SLC17A8: variants seen among roughly 807,000 people sequenced by gnomAD.
SLC17A8 encodes vesicular glutamate transporter 3.
SLC17A8 carries 31 observed loss-of-function variants against 58.0 expected under a neutral mutation model. The ratio of observed to expected loss-of-function variants is 0.53; its 90% confidence interval spans 0.40 to 0.72. The LOEUF (loss-of-function observed/expected upper bound fraction) is 0.72, where lower values mean the gene tolerates loss of function less well. Among genes scored for constraint, SLC17A8 ranks in the 30% least tolerant of loss-of-function variants. SLC17A8 has a pLI of 0.00. For missense variants in SLC17A8, 655 were observed against 727.8 expected (o/e 0.90, Z 1.15); for synonymous variants, 228 against 249.0 (o/e 0.92, Z 0.79).
chr12:100,399,218 T>C (rs1432035190), intron 5 of SLC17A8, among the ~76,000 whole-genome samples: 3 of 152,078 alleles, frequency 2.0e-5, no homozygotes, highest in African/African-American at 4.8e-5. Flanking sequence ...CATTCAACAA[T>C]CATCTGAGGC....
chr12:100,404,118 A>G lies in SLC17A8; in HGVS notation c.1134A>G (p.Arg378=). 6.2e-7 allele frequency: 1 copy of G among 1,614,194 alleles called. No individual in the cohort carries two copies. Among genetic ancestry groups the G allele is most frequent in the Non-Finnish European group, 8.5e-7 (1 of 1,180,036 alleles). The change falls in exon 9 of 12, where the codon AGA becomes AGG. Residue 378 remains arginine (R), a synonymous_variant. Transcript: ENST00000323346. ...GAGGACAATTGGCTGATTATTTAAG[A>G]AGCAGACAAATTTTAACCACAACTG... ...PIGGQLADYL[R]SRQILTTTAV...
intron 2 of SLC17A8, among the ~76,000 whole-genome samples, chr12:100,388,457 T>C (rs541055367): frequency 8.3e-4 from 126 of 152,268 alleles, no homozygotes; most frequent in African/African-American, 2.9e-3. Flanking sequence ...AAAATACAGA[T>C]TTGGTGAGCT....
rs1273330580 is a variant in SLC17A8, at chr12:100,421,541, T to C, written c.*1382T>C. ...TTTAACATTGGCATCTAAAGTGTTA[T>C]TTGAAAATAAAATTATTTTCCTGTT... On this transcript the variant is annotated 3_prime_UTR_variant, in exon 12 of 12. Transcript: ENST00000323346. The C allele has an allele frequency of 1.3e-5, 2 of 152,300 alleles. No homozygotes were observed. The highest frequency in any genetic ancestry group is 3.4e-3 in the Middle Eastern group (1 of 294). 9.4% of individuals were successfully genotyped at this position (152,300 alleles called of 1,614,324 possible). A position where few individuals can be genotyped will look rare whatever the true frequency, so the allele number is the denominator to read the frequency against.
chr12:100,373,871 G>A (rs1952575999), intron 1 of SLC17A8, among the ~76,000 whole-genome samples: 1 of 152,120 alleles, frequency 6.6e-6, no homozygotes, highest in African/African-American at 2.4e-5. Context: ...TTACAGGCAT[G>A]AGCCACTGTG....
intron 1 of SLC17A8, among the ~76,000 whole-genome samples, chr12:100,359,845 A>G (rs1239996082): frequency 6.6e-6 from 1 of 152,188 alleles, no homozygotes; most frequent in Non-Finnish European, 1.5e-5. Context: ...ACGTAAAACC[A>G]GTTGACAGAA....
intron 1 of SLC17A8, among the ~76,000 whole-genome samples, chr12:100,379,390 C>A (rs945721390): frequency 4.3e-5 from 6 of 139,050 alleles, no homozygotes; most frequent in Admixed American, 3.9e-4. Context: ...AGCCGAGAAT[C>A]GTGCCACTGC....
chr12:100,379,435 C>CAA (rs150305704), intron 1 of SLC17A8, among the ~76,000 whole-genome samples: 41 of 136,554 alleles, frequency 3.0e-4, no homozygotes, highest in South Asian at 6.8e-4. Context: ...ATTCCGTCCC[C>CAA]AAAAAAAAAA....
chr12:100,382,151 C>T (rs7294930), intron 2 of SLC17A8, among the ~76,000 whole-genome samples: 4,056 of 152,212 alleles, frequency 0.027, 56 homozygotes, highest in African/African-American at 0.036. Context: ...GTGGAGGCAG[C>T]GAAGTAAATA....
intron 1 of SLC17A8, among the ~76,000 whole-genome samples, chr12:100,371,499 C>G (rs1379989343): frequency 6.6e-6 from 1 of 152,190 alleles, no homozygotes; most frequent in East Asian, 1.9e-4. Flanking sequence ...GTTGTGTTCT[C>G]CCTTCACCAG....
rs780354237 is a variant in SLC17A8 at position 100,357,304 on chromosome 12, A to C, written c.-88A>C. ...CTGACTTCCAGGTGTTCACCAAGGGAAACAAGGTGGTTCTCACACTGGAAA... is the reference window on the plus strand; with the variant it reads ...CTGACTTCCAGGTGTTCACCAAGGGCAACAAGGTGGTTCTCACACTGGAAA... On this transcript the variant is annotated 5_prime_UTR_variant, in exon 1 of 12. Coordinates refer to ENST00000323346, the MANE Select transcript of SLC17A8 (RefSeq NM_139319.3). The C allele has an allele frequency of 1.3e-4, 110 of 824,308 alleles. No homozygotes were observed. The highest frequency in any genetic ancestry group is 1.9e-4 in the Non-Finnish European group (88 of 461,600). The allele number at this position is 824,308 out of a possible 1,614,324, so 51.1% of individuals were successfully genotyped here.
At position 100,401,872 on chromosome 12, in the gene SLC17A8, T is replaced by C; in HGVS notation, c.763+9T>C. The stretch of plus-strand genomic sequence containing the variant: ...TGTCTTTTATATTTATGGTGAGTGA[T>C]TTGACTTCACAAGTTCACATGTGAC... On this transcript the variant is annotated intron_variant, in intron 6 of 11. Transcript: ENST00000323346. The C allele has an allele frequency of 1.2e-6, 2 of 1,609,708 alleles. No homozygotes were observed. Among genetic ancestry groups the C allele is most frequent in the Non-Finnish European group, 1.7e-6 (2 of 1,176,072 alleles).
At chr12:100,368,879 G>C in intron 1 of SLC17A8, among the ~76,000 whole-genome samples, 1 of 152,166 alleles carries the variant, frequency 6.6e-6, no homozygotes, top group Non-Finnish European at 1.5e-5. Context: ...CATAGAAATA[G>C]GCTCCACTTC....
intron 5 of SLC17A8, among the ~76,000 whole-genome samples, chr12:100,399,949 G>A (rs1952780140): frequency 6.6e-6 from 1 of 152,166 alleles, no homozygotes; most frequent in South Asian, 2.1e-4. Context: ...ACTTCTACCT[G>A]TGTGACCTCA....
At chr12:100,396,943 C>T (rs1033935909) in intron 5 of SLC17A8, among the ~76,000 whole-genome samples, 81 of 152,140 alleles carry the variant, frequency 5.3e-4, no homozygotes, top group African/African-American at 1.9e-3. Context: ...CTGCTATCCT[C>T]AGACATAGCT....
chr12:100,361,143 A>C (rs543411369), intron 1 of SLC17A8, among the ~76,000 whole-genome samples: 1 of 152,252 alleles, frequency 6.6e-6, no homozygotes, highest in East Asian at 1.9e-4. Flanking sequence ...ACTTGGCTGC[A>C]ATGGGGTGAC....
In SLC17A8 at chr12:100,412,854, T is replaced by G. The variant is rs563838192; in HGVS notation, c.1271T>G (p.Val424Gly). Residue 424 changes from valine (V) to glycine (G), a missense_variant, in exon 10 of 12, where the codon GTA becomes GGA. Transcript: ENST00000323346. Reference protein sequence around the residue: ...GVAISFLVLAVGFSGFAISGF... With the variant: ...GVAISFLVLAGGFSGFAISGF... ...GCTATCTCCTTTCTGGTACTTGCTG[T>G]AGGATTTAGTGGCTTCGCTATTTCA... 1 of 1,613,944 alleles carries G rather than the reference T, an allele frequency of 6.2e-7. No individual in the cohort carries two copies. Among genetic ancestry groups the G allele is most frequent in the African/African-American group, 1.3e-5 (1 of 75,026 alleles).
intron 9 of SLC17A8, among the ~76,000 whole-genome samples, chr12:100,406,460 C>G (rs557345591): frequency 1.8e-4 from 27 of 151,654 alleles, no homozygotes; most frequent in African/African-American, 5.1e-4. Flanking sequence ...CAGGCCTTGT[C>G]GGCGTATGCA....
At chr12:100,404,753 A>G (rs1952814986) in intron 9 of SLC17A8, among the ~76,000 whole-genome samples, 1 of 152,214 alleles carries the variant, frequency 6.6e-6, no homozygotes, top group African/African-American at 2.4e-5. Context: ...AATCTTCTAC[A>G]TACATTATTT....
At chr12:100,417,888 C>G (rs1952917389) in intron 10 of SLC17A8, 141 bp from the exon 11 acceptor site, 1 of 971,900 alleles carries the variant, frequency 1.0e-6, no homozygotes. Flanking sequence ...CCTCTTGAAC[C>G]CAGTCCTCTT....
Sources: gnomAD v4.1 joint callset for allele counts (sites outside exome capture counted in the v4.1 genomes callset) on GRCh38, gnomAD v4.1.1 for gene constraint, MANE v1.5 for transcripts, NCBI Gene and HGNC (gene_info 2026-07-23, HGNC 2026-07-21) for gene names.